XKR9: variants seen among roughly 807,000 people sequenced by gnomAD.
The protein encoded by XKR9 is XK-related protein 9.
A neutral mutation model predicts 32.0 loss-of-function variants in XKR9; 32 were observed. That is an observed-to-expected ratio of 1.00 (90% CI 0.76 to 1.34). The LOEUF (loss-of-function observed/expected upper bound fraction) is 1.34. Ranked by LOEUF, XKR9 falls within the 40% of genes most tolerant of loss-of-function variation. The pLI is 0.00. For missense variants in XKR9, 546 were observed against 429.7 expected, an observed-to-expected ratio of 1.27 and a Z score of -2.39; for synonymous variants, 168 against 143.4, an observed-to-expected ratio of 1.17 and a Z score of -1.22.
chr8:70,800,038 A>G, the XKR9 span, among the ~76,000 whole-genome samples: 1 of 152,154 alleles, frequency 6.6e-6, no homozygotes, highest in African/African-American at 2.4e-5. Flanking sequence ...ATGTTCCCTC[A>G]ATACCTAATT....
At chr8:70,980,320 C>G in the XKR9 span, among the ~76,000 whole-genome samples, 2 of 152,186 alleles carry the variant, frequency 1.3e-5, no homozygotes, top group African/African-American at 4.8e-5. Flanking sequence ...GTTGGAAATA[C>G]AGAAATCACA....
At chr8:70,822,594 C>G in the XKR9 span, among the ~76,000 whole-genome samples, 1 of 150,558 alleles carries the variant, frequency 6.6e-6, no homozygotes, top group Non-Finnish European at 1.5e-5. Context: ...AAAGAAAAAG[C>G]AATAGGTTCA....
At chr8:70,842,552 AC>A in the XKR9 span, among the ~76,000 whole-genome samples, 1 of 141,584 alleles carries the variant, frequency 7.1e-6, no homozygotes, top group South Asian at 2.2e-4. Flanking sequence ...TTATTTACAC[AC>A]ACACACACAC....
chr8:70,782,274 T>A (rs890293681), intron 2 of XKR9, among the ~76,000 whole-genome samples: 1 of 152,200 alleles, frequency 6.6e-6, no homozygotes, highest in Non-Finnish European at 1.5e-5. Flanking sequence ...TATTTTTTAT[T>A]GTAAATTGAC....
intron 2 of XKR9, among the ~76,000 whole-genome samples, chr8:70,675,716 T>C (rs1818861635): frequency 6.6e-6 from 1 of 152,182 alleles, no homozygotes; most frequent in African/African-American, 2.4e-5. Flanking sequence ...TGCTGAGGCA[T>C]AACATGGGTG....
the XKR9 span, among the ~76,000 whole-genome samples, chr8:70,888,120 C>T: frequency 2.0e-5 from 3 of 151,932 alleles, no homozygotes; most frequent in Admixed American, 1.3e-4. Context: ...AATTGTATCA[C>T]ACTATAGTGT....
chr8:70,930,233 G>A, the XKR9 span, among the ~76,000 whole-genome samples: 1 of 152,110 alleles, frequency 6.6e-6, no homozygotes, highest in Non-Finnish European at 1.5e-5. Context: ...CTTTAGCTTA[G>A]CTTTTAATGC....
chr8:70,689,774 A>G (rs12675271), intron 3 of XKR9, among the ~76,000 whole-genome samples: 61,200 of 151,864 alleles, frequency 0.4, 13,868 homozygotes, highest in Non-Finnish European at 0.52. Flanking sequence ...GTACAGACAG[A>G]AGGTATAGTA....
At chr8:70,766,928 T>C (rs867306645) in intron 2 of XKR9, among the ~76,000 whole-genome samples, 1 of 152,260 alleles carries the variant, frequency 6.6e-6, no homozygotes, top group South Asian at 2.1e-4. Flanking sequence ...GAACTAACCA[T>C]GCATCCCACG....
chr8:70,767,790 C>T (rs1025884879), intron 2 of XKR9, among the ~76,000 whole-genome samples: 9 of 151,936 alleles, frequency 5.9e-5, no homozygotes, highest in Non-Finnish European at 8.8e-5. Context: ...TATGAGCCAC[C>T]GCACCCAGCC....
At chr8:70,838,419 G>A in the XKR9 span, among the ~76,000 whole-genome samples, 2 of 152,052 alleles carry the variant, frequency 1.3e-5, no homozygotes, top group Non-Finnish European at 2.9e-5. Context: ...GAAACAGGCT[G>A]CAGAAGACTT....
the XKR9 span, among the ~76,000 whole-genome samples, chr8:71,019,629 A>G: frequency 6.6e-6 from 1 of 152,184 alleles, no homozygotes; most frequent in African/African-American, 2.4e-5. Context: ...TCTAAGGTTG[A>G]GGTTGATTAA....
intron 2 of XKR9, among the ~76,000 whole-genome samples, chr8:70,756,275 A>G (rs1418316847): frequency 6.6e-6 from 1 of 152,148 alleles, no homozygotes; most frequent in Non-Finnish European, 1.5e-5. Context: ...GTTGCTTTAT[A>G]GTAAGTTTTG....
chr8:71,043,198 T>C, the XKR9 span, among the ~76,000 whole-genome samples: 1 of 152,134 alleles, frequency 6.6e-6, no homozygotes, highest in Non-Finnish European at 1.5e-5. Flanking sequence ...ACTCTGCAAG[T>C]GAATGGAAAA....
At chr8:70,713,248 C>T (rs1805979636) in intron 4 of XKR9, among the ~76,000 whole-genome samples, 1 of 151,622 alleles carries the variant, frequency 6.6e-6, no homozygotes, top group South Asian at 2.1e-4. Context: ...TTTAGAGAGA[C>T]AAAGAGATAG....
Position 70,735,516 on chromosome 8 carries a change from GGTTA to G in XKR9, c.*1097_*1100del, listed in dbSNP as rs1450521656. The stretch of plus-strand genomic sequence containing the variant: ...TTAGGGTACATGTGCACAATGTGCA[GGTTA>G]GTTACATATGTATACATGTGCCATG... On this transcript the variant is annotated 3_prime_UTR_variant, in exon 5 of 5. Coordinates refer to ENST00000408926, the MANE Select transcript of XKR9 (RefSeq NM_001011720.2). 6 of 151,154 alleles carry G rather than the reference GGTTA, an allele frequency of 4.0e-5. No homozygotes were observed. The East Asian group carries it at 9.7e-4, about 24-fold the overall frequency. The allele number at this position is 151,154 out of a possible 1,614,324, so 9.4% of individuals were successfully genotyped here. A position where few individuals can be genotyped will look rare whatever the true frequency, so the allele number is the denominator to read the frequency against.
chr8:70,771,869 G>T (rs1807458599), intron 2 of XKR9, among the ~76,000 whole-genome samples: 1 of 152,072 alleles, frequency 6.6e-6, no homozygotes, highest in Non-Finnish European at 1.5e-5. Flanking sequence ...GGCAATAAGA[G>T]AATTGTAGAT....
chr8:71,025,044 C>G, the XKR9 span, among the ~76,000 whole-genome samples: 1 of 152,216 alleles, frequency 6.6e-6, no homozygotes, highest in South Asian at 2.1e-4. Context: ...CTTATATAAT[C>G]TTTCTAATAA....
At chr8:70,976,350 A>G in the XKR9 span, among the ~76,000 whole-genome samples, 1 of 152,144 alleles carries the variant, frequency 6.6e-6, no homozygotes, top group African/African-American at 2.4e-5. Context: ...TCAGTATGAT[A>G]GTGGCTGTGG....
Sources: gnomAD v4.1 joint callset for allele counts (sites outside exome capture counted in the v4.1 genomes callset) on GRCh38, gnomAD v4.1.1 for gene constraint, MANE v1.5 for transcripts, NCBI Gene and HGNC (gene_info 2026-07-23, HGNC 2026-07-21) for gene names.